SLC15A1: variants seen among roughly 807,000 people sequenced by gnomAD.
SLC15A1 encodes solute carrier family 15 member 1, also known as Caco-2 oligopeptide transporter.
SLC15A1 carries 83 observed loss-of-function variants against 92.9 expected under a neutral mutation model. The ratio of observed to expected loss-of-function variants is 0.89; its 90% CI spans 0.75 to 1.07. SLC15A1 has a LOEUF of 1.07. Ranked by LOEUF, SLC15A1 falls within the 50% of genes least tolerant of loss-of-function variation. The pLI is 0.00. For synonymous variants in SLC15A1, 322 were observed against 318.2 expected, an observed-to-expected ratio of 1.01 and a Z score of -0.13; for missense variants, 857 against 880.1, an observed-to-expected ratio of 0.97 and a Z score of 0.33.
chr13:98,701,667 A>AT (rs34078820), intron 18 of SLC15A1, among the ~76,000 whole-genome samples: 45,347 of 115,448 alleles, frequency 0.39, 10,957 homozygotes, highest in Non-Finnish European at 0.54. Flanking sequence ...TACTCAGCTA[A>AT]TTTTTTTTTT....
At position 98,684,798 on chromosome 13, in the gene SLC15A1, C is replaced by G; in HGVS notation, c.2053G>C (p.Asp685His). ...TTTTCCAGTCTGTTTTTCTTTTCATCCTCATCAAATTGAGCTTCGATCTCC... is the reference window on the plus strand; with the variant it reads ...TTTTCCAGTCTGTTTTTCTTTTCATGCTCATCAAATTGAGCTTCGATCTCC... ...PAEIEAQFDE[D>H]EKKNRLEKSN... is the part of the protein sequence containing the mutation. The change falls in exon 23 of 23, where the codon GAT becomes CAT. Residue 685 changes from aspartate to histidine, a missense_variant. Coordinates refer to ENST00000376503, the MANE Select transcript of SLC15A1 (RefSeq NM_005073.4). 1 of 1,614,042 alleles carries G rather than the reference C, an allele frequency of 6.2e-7. No individual in the cohort carries two copies. Among genetic ancestry groups the G allele is most frequent in the Non-Finnish European group, 8.5e-7 (1 of 1,180,016 alleles).
At chr13:98,744,231 ACT>A (rs1422366922) in intron 1 of SLC15A1, among the ~76,000 whole-genome samples, 2 of 119,744 alleles carry the variant, frequency 1.7e-5, no homozygotes, top group Non-Finnish European at 3.3e-5. Context: ...ACAGAGTGAG[ACT>A]CTGTCTCAAA....
At chr13:98,690,278 C>G (rs1485337632) in intron 18 of SLC15A1, among the ~76,000 whole-genome samples, 3 of 152,188 alleles carry the variant, frequency 2.0e-5, no homozygotes, top group Non-Finnish European at 2.9e-5. Context: ...GAGAAAATGG[C>G]TATGAATTAA....
At chr13:98,734,173 C>T (rs1381112908) in intron 1 of SLC15A1, among the ~76,000 whole-genome samples, 1 of 152,084 alleles carries the variant, frequency 6.6e-6, no homozygotes, top group Non-Finnish European at 1.5e-5. Context: ...ACCATGTTGG[C>T]CAGGCTGGTC....
rs2088209806 is a variant in SLC15A1, at chr13:98,716,097, C to T, written c.641-137G>A. ...CTTATGGAATGGGTTTACCTTCCAA[C>T]CTCACAGTTTAGAAAGTGCTTTTAA... On this transcript the variant is annotated intron_variant, in intron 8 of 22. Coordinates refer to ENST00000376503, the MANE Select transcript of SLC15A1 (RefSeq NM_005073.4). 5.6e-6 allele frequency: 4 copies of T among 719,652 alleles called. No individual in the cohort carries two copies. The Admixed American group carries it at 6.7e-5, about 12-fold the overall frequency. 44.6% of individuals were successfully genotyped at this position (719,652 alleles called of 1,614,324 possible).
At chr13:98,744,027 TA>T (rs1275870793) in intron 1 of SLC15A1, among the ~76,000 whole-genome samples, 2 of 151,748 alleles carry the variant, frequency 1.3e-5, no homozygotes, top group Non-Finnish European at 2.9e-5. Flanking sequence ...TAAATGTCGC[TA>T]AATTAAAAGG....
chr13:98,715,799 G>T, intron 9 of SLC15A1, 79 bp downstream of exon 9: 1 of 1,172,508 alleles, frequency 8.5e-7, no homozygotes, highest in Non-Finnish European at 1.3e-6. Context: ...GAAAGTCAAA[G>T]CTTAAATTTT....
intron 11 of SLC15A1, among the ~76,000 whole-genome samples, chr13:98,710,761 T>C (rs976056278): frequency 1.6e-5 from 2 of 127,650 alleles, no homozygotes; most frequent in African/African-American, 6.2e-5. Flanking sequence ...TGAGCCAAGA[T>C]AGTGCCACTG....
chr13:98,710,643 C>T (rs1271117356), intron 11 of SLC15A1, among the ~76,000 whole-genome samples: 1 of 151,794 alleles, frequency 6.6e-6, no homozygotes, highest in African/African-American at 2.4e-5. Flanking sequence ...CAGCAGAACC[C>T]CGTCTCTACT....
intron 1 of SLC15A1, among the ~76,000 whole-genome samples, chr13:98,738,933 C>T (rs2088418129): frequency 6.6e-6 from 1 of 152,246 alleles, no homozygotes; most frequent in South Asian, 2.1e-4. Flanking sequence ...GTGAGAGCAA[C>T]CTCTGGAGCT....
Position 98,723,795 on chromosome 13 carries a change from G to C in SLC15A1, c.365+117C>G, listed in dbSNP as rs773052870. 525 of 1,408,090 alleles carry C rather than the reference G, an allele frequency of 3.7e-4. 1 individual carries two copies. In the Middle Eastern group the frequency reaches 5.4e-3, roughly 14 times the overall value. The allele number at this position is 1,408,090 out of a possible 1,614,324, so 87.2% of individuals were successfully genotyped here. A position where few individuals can be genotyped will look rare whatever the true frequency, so the allele number is the denominator to read the frequency against. ...GACAGCCTTCTCCATGCTGCCCAAG[G>C]GGGAGGAAAAACCTCCTTATGCTCT... On this transcript the variant is annotated intron_variant, in intron 5 of 22. Coordinates refer to ENST00000376503, the MANE Select transcript of SLC15A1 (RefSeq NM_005073.4).
At chr13:98,726,704 C>T in intron 2 of SLC15A1, 139 bp downstream of exon 2, 1 of 872,640 alleles carries the variant, frequency 1.1e-6, no homozygotes, top group South Asian at 1.5e-5. Context: ...CAGGAGAGGA[C>T]ATCTCACATG....
intron 5 of SLC15A1, 53 bp from the exon 6 acceptor site, chr13:98,721,956 G>C (rs1002785833): frequency 4.4e-5 from 66 of 1,485,506 alleles, no homozygotes; most frequent in Non-Finnish European, 5.8e-5. Flanking sequence ...CAAGTAGAAG[G>C]CCTCTCTTTT....
At position 98,687,666 on chromosome 13, in the gene SLC15A1, A is replaced by G. The variant is rs1465938600; in HGVS notation, c.1742T>C (p.Met581Thr). 1 of 1,614,206 alleles carries G rather than the reference A, an allele frequency of 6.2e-7. No individual in the cohort carries two copies. Among genetic ancestry groups the G allele is most frequent in the East Asian group, 2.2e-5 (1 of 44,886 alleles). ...FEDISANTVN[M>T]ALQIPQYFLL... is the part of the protein sequence containing the mutation. Reference sequence around the variant, plus strand: ...AAAATACTGCGGGATTTGCAGAGCCATGTTAACTGTGTTGGCTGAAATATC... The same window carrying G: ...AAAATACTGCGGGATTTGCAGAGCCGTGTTAACTGTGTTGGCTGAAATATC... Residue 581 changes from methionine to threonine, a missense_variant, in exon 21 of 23, where the codon ATG becomes ACG. Transcript: ENST00000376503.
chr13:98,722,392 A>T (rs2088267909), intron 5 of SLC15A1, among the ~76,000 whole-genome samples: 1 of 152,150 alleles, frequency 6.6e-6, no homozygotes, highest in African/African-American at 2.4e-5. Context: ...AGACTAAAAG[A>T]TTTATTGTCA....
chr13:98,699,623 G>A lies in SLC15A1; in HGVS notation c.1466+2857C>T, dbSNP rs574517276. 1.8e-4 allele frequency among the ~76,000 whole-genome samples: 28 copies of A among 152,246 alleles called. No homozygotes were observed. The East Asian group carries it at 5.2e-3, about 28-fold the overall frequency. ...TGAACACAAGTTTCCAGTTCTCTAG[G>A]GTAAATATCTAGGAGTGGGATGGCT... On this transcript the variant is annotated intron_variant, in intron 18 of 22. Transcript: ENST00000376503.
chr13:98,742,403 C>A (rs767251290), intron 1 of SLC15A1, among the ~76,000 whole-genome samples: 23 of 152,196 alleles, frequency 1.5e-4, no homozygotes, highest in Non-Finnish European at 2.4e-4. Context: ...GGACAGCCTG[C>A]CTTCACCTTC....
intron 18 of SLC15A1, among the ~76,000 whole-genome samples, chr13:98,692,583 C>T (rs762344880): frequency 6.6e-6 from 1 of 152,124 alleles, no homozygotes; most frequent in Non-Finnish European, 1.5e-5. Context: ...TTATTTCTGC[C>T]TCAACACCCG....
At chr13:98,750,352 C>G (rs2088533804) in intron 1 of SLC15A1, among the ~76,000 whole-genome samples, 1 of 152,112 alleles carries the variant, frequency 6.6e-6, no homozygotes, top group Admixed American at 6.5e-5. Flanking sequence ...AACTTATGAT[C>G]CGCCCGCCTC....
Sources: gnomAD v4.1 joint callset for allele counts (sites outside exome capture counted in the v4.1 genomes callset) on GRCh38, gnomAD v4.1.1 for gene constraint, MANE v1.5 for transcripts, NCBI Gene and HGNC (gene_info 2026-07-23, HGNC 2026-07-21) for gene names.